Variants in MICU1 observed in about 807,000 individuals in gnomAD.
The protein encoded by MICU1 is mitochondrial calcium uptake 1.
A neutral mutation model predicts 56.8 loss-of-function variants in MICU1; 45 were observed. That is an observed-to-expected ratio of 0.79 (90% CI 0.62 to 1.02). MICU1 has a LOEUF of 1.02. MICU1 is among the 50% of genes least tolerant of loss of function. MICU1 has a pLI of 0.00. For synonymous variants in MICU1, 186 were observed against 195.1 expected, an observed-to-expected ratio of 0.95 and a Z score of 0.39; for missense variants, 504 against 587.1, an observed-to-expected ratio of 0.86 and a Z score of 1.46.
At chr10:72,571,898 AT>A (rs1055493690) in intron 1 of MICU1, among the ~76,000 whole-genome samples, 25 of 152,136 alleles carry the variant, frequency 1.6e-4, no homozygotes, top group Non-Finnish European at 3.1e-4. Context: ...TAAAAAAAAA[AT>A]AATGATAAAG....
chr10:72,515,486 A>G (rs1238651528), intron 5 of MICU1, among the ~76,000 whole-genome samples: 1 of 152,190 alleles, frequency 6.6e-6, no homozygotes, highest in East Asian at 1.9e-4. Context: ...CTTTGTGATT[A>G]GATTCATATC....
intron 10 of MICU1, among the ~76,000 whole-genome samples, chr10:72,397,801 CAA>C (rs1444440775): frequency 1.3e-5 from 2 of 152,178 alleles, no homozygotes; most frequent in Non-Finnish European, 2.9e-5. Context: ...TAGAGACCTA[CAA>C]AGAGACCTGG....
chr10:72,509,474 A>G (rs1275605830), intron 5 of MICU1: 4 of 1,190,056 alleles, frequency 3.4e-6, no homozygotes, highest in Non-Finnish European at 4.5e-6. Flanking sequence ...CAAGTACCAC[A>G]CGAATCATCG....
chr10:72,400,904 C>CACA, intron 10 of MICU1, among the ~76,000 whole-genome samples: 2 of 149,288 alleles, frequency 1.3e-5, no homozygotes, highest in South Asian at 2.1e-4. Context: ...CACACACACA[C>CACA]CCTATATGAT....
intron 1 of MICU1, among the ~76,000 whole-genome samples, chr10:72,607,756 G>A (rs568059105): frequency 1.3e-4 from 20 of 152,092 alleles, no homozygotes; most frequent in Admixed American, 2.6e-4. Flanking sequence ...CCTCCAATTC[G>A]CAGTGAGGTT....
At chr10:72,428,668 T>A (rs984066808) in intron 8 of MICU1, among the ~76,000 whole-genome samples, 1 of 152,094 alleles carries the variant, frequency 6.6e-6, no homozygotes, top group African/African-American at 2.4e-5. Flanking sequence ...TCAAAACAAC[T>A]GACTAAATGA....
intron 5 of MICU1, among the ~76,000 whole-genome samples, chr10:72,525,577 T>C (rs1867938644): frequency 6.6e-6 from 1 of 152,162 alleles, no homozygotes; most frequent in Admixed American, 6.5e-5. Context: ...GCACAGGAGA[T>C]TTTTATAGCT....
chr10:72,557,222 A>G (rs578207686), intron 3 of MICU1, among the ~76,000 whole-genome samples: 1 of 152,298 alleles, frequency 6.6e-6, no homozygotes, highest in African/African-American at 2.4e-5. Flanking sequence ...CTAAGATACA[A>G]CCCACAGTGC....
At position 72,530,633 on chromosome 10, in the gene MICU1, G is replaced by A. The variant is rs145488751; in HGVS notation, c.537+3113C>T. Reference sequence around the variant, plus strand: ...TGGAAATGCAATAGACTATGCAAGTGCCAATAATAATGTATTTCATAACTT... The same window carrying A: ...TGGAAATGCAATAGACTATGCAAGTACCAATAATAATGTATTTCATAACTT... On this transcript the variant is annotated intron_variant, in intron 5 of 11. Coordinates refer to ENST00000361114, the MANE Select transcript of MICU1 (RefSeq NM_001195518.2). Among the ~76,000 whole-genome samples, 199 of 152,124 alleles carry A rather than the reference G, an allele frequency of 1.3e-3. 1 individual carries two copies. The highest frequency in any genetic ancestry group is 4.3e-3 in the African/African-American group (178 of 41,544).
chr10:72,488,103 G>A (rs1347295254), intron 6 of MICU1, among the ~76,000 whole-genome samples: 2 of 150,706 alleles, frequency 1.3e-5, no homozygotes, highest in Non-Finnish European at 2.9e-5. Flanking sequence ...GGCTGAGGCA[G>A]AATTGCTTGA....
intron 1 of MICU1, among the ~76,000 whole-genome samples, chr10:72,608,820 C>T (rs771504895): frequency 2.0e-5 from 3 of 152,198 alleles, no homozygotes; most frequent in Non-Finnish European, 4.4e-5. Flanking sequence ...CACAGGCACC[C>T]AACTGTTCAA....
chr10:72,509,408 T>C lies in MICU1; in HGVS notation c.538-1139A>G, dbSNP rs374107501. On this transcript the variant is annotated intron_variant, in intron 5 of 11. Transcript: ENST00000361114. ...TATCCAATGGGTTACCTCTGTCTAG[T>C]GGAGATCCCATCATAAACCACAAAG... 7 of 1,332,458 alleles carry C rather than the reference T, an allele frequency of 5.3e-6. No homozygotes were observed. Among genetic ancestry groups the C allele is most frequent in the Non-Finnish European group, 6.9e-6 (7 of 1,011,270 alleles). The allele number at this position is 1,332,458 out of a possible 1,614,324, so 82.5% of individuals were successfully genotyped here.
chr10:72,560,212 C>G (rs1459705775), intron 3 of MICU1: 3 of 152,234 alleles, frequency 2.0e-5, no homozygotes, highest in Non-Finnish European at 4.4e-5. Context: ...GTGGTGCTGC[C>G]ATCTCTCCTG....
At chr10:72,396,274 G>C (rs1224702099) in intron 10 of MICU1, among the ~76,000 whole-genome samples, 4 of 152,122 alleles carry the variant, frequency 2.6e-5, no homozygotes, top group South Asian at 2.1e-4. Flanking sequence ...CAAAACCCCA[G>C]CTGTAGGTCA....
chr10:72,508,043 C>G, intron 6 of MICU1, 112 bp downstream of exon 6: 1 of 508,862 alleles, frequency 2.0e-6, no homozygotes, highest in Non-Finnish European at 3.2e-6. Flanking sequence ...ACTTATAATT[C>G]ATTATAATTC....
chr10:72,411,447 C>G (rs926881478), intron 9 of MICU1, among the ~76,000 whole-genome samples: 2 of 152,000 alleles, frequency 1.3e-5, no homozygotes, highest in African/African-American at 4.8e-5. Context: ...CCTACCTCAG[C>G]CTCCCGGGTA....
At chr10:72,609,523 A>G (rs1198955166) in intron 1 of MICU1, among the ~76,000 whole-genome samples, 1 of 152,110 alleles carries the variant, frequency 6.6e-6, no homozygotes, top group East Asian at 1.9e-4. Flanking sequence ...TCACGAGGTC[A>G]GGAGATCGAG....
intron 10 of MICU1, among the ~76,000 whole-genome samples, chr10:72,378,793 C>T (rs1862609228): frequency 6.6e-6 from 1 of 152,134 alleles, no homozygotes; most frequent in South Asian, 2.1e-4. Context: ...CACTTGATCT[C>T]TTTAGATTTA....
intron 6 of MICU1, among the ~76,000 whole-genome samples, chr10:72,487,057 G>T (rs1453572154): frequency 2.0e-5 from 3 of 152,148 alleles, no homozygotes; most frequent in Non-Finnish European, 2.9e-5. Context: ...GATGCTTTAT[G>T]AAAAGTTTAT....
Sources: gnomAD v4.1 joint callset for allele counts (sites outside exome capture counted in the v4.1 genomes callset) on GRCh38, gnomAD v4.1.1 for gene constraint, MANE v1.5 for transcripts, NCBI Gene and HGNC (gene_info 2026-07-23, HGNC 2026-07-21) for gene names.